Variants in EYS observed in about 807,000 individuals in gnomAD.
EYS encodes the protein protein eyes shut homolog.
In EYS, 250 loss-of-function variants were observed where a neutral mutation model predicts 282.1. The ratio of observed to expected loss-of-function variants is 0.89; its 90% CI spans 0.80 to 0.98. EYS has a LOEUF of 0.98. EYS is among the 50% of genes least tolerant of loss of function. The pLI is 0.00. For synonymous variants in EYS, 1,355 were observed against 1,282.9 expected (o/e 1.06, Z -1.20); for missense variants, 4,016 against 3,709.0 (o/e 1.08, Z -2.15).
intron 30 of EYS, among the ~76,000 whole-genome samples, chr6:64,295,912 C>A (rs960220744): frequency 6.6e-6 from 1 of 151,986 alleles, no homozygotes; most frequent in African/African-American, 2.4e-5. Context: ...GGGATATTAA[C>A]AAATATTATT....
At chr6:64,805,050 C>T (rs572579868) in intron 22 of EYS, among the ~76,000 whole-genome samples, 1 of 151,774 alleles carries the variant, frequency 6.6e-6, no homozygotes, top group Non-Finnish European at 1.5e-5. Flanking sequence ...TTAGATGAAC[C>T]ATGAAATTAA....
intron 2 of EYS, among the ~76,000 whole-genome samples, chr6:65,498,249 A>G (rs1216781679): frequency 2.6e-5 from 4 of 151,994 alleles, no homozygotes; most frequent in African/African-American, 9.7e-5. Flanking sequence ...AGAGAAAGTG[A>G]GGTTTTAGAG....
chr6:64,526,872 A>G (rs951833740), intron 26 of EYS, among the ~76,000 whole-genome samples: 14 of 151,998 alleles, frequency 9.2e-5, no homozygotes, highest in African/African-American at 3.4e-4. Flanking sequence ...GATTCTTCTT[A>G]AAGCAAGGCT....
intron 26 of EYS, among the ~76,000 whole-genome samples, chr6:64,550,587 CATA>C (rs1377295411): frequency 6.6e-6 from 1 of 152,114 alleles, no homozygotes; most frequent in East Asian, 1.9e-4. Flanking sequence ...TCTTATTCAA[CATA>C]ATGTTGGAAG....
chr6:64,504,291 T>C (rs932707150), intron 26 of EYS, among the ~76,000 whole-genome samples: 4 of 152,164 alleles, frequency 2.6e-5, no homozygotes, highest in African/African-American at 9.7e-5. Context: ...TTAGAGGACT[T>C]TTATAAAATT....
intron 29 of EYS, among the ~76,000 whole-genome samples, chr6:64,318,143 G>C (rs770116330): frequency 6.6e-6 from 1 of 151,860 alleles, no homozygotes; most frequent in Non-Finnish European, 1.5e-5. Flanking sequence ...AAATCTGCTT[G>C]TTCTGTACAT....
At chr6:64,419,573 A>AT (rs1774163077) in intron 28 of EYS, among the ~76,000 whole-genome samples, 2 of 152,258 alleles carry the variant, frequency 1.3e-5, no homozygotes, top group African/African-American at 4.8e-5. Context: ...CCTAGATAAA[A>AT]TGGCGGTAAA....
At chr6:65,109,414 T>C (rs1775140992) in intron 12 of EYS, among the ~76,000 whole-genome samples, 1 of 152,136 alleles carries the variant, frequency 6.6e-6, no homozygotes, top group Non-Finnish European at 1.5e-5. Context: ...TTTGTTTGTT[T>C]GTTTTGGTAG....
At chr6:65,248,096 C>T (rs1582061213) in intron 12 of EYS, among the ~76,000 whole-genome samples, 1 of 151,414 alleles carries the variant, frequency 6.6e-6, no homozygotes, top group South Asian at 2.1e-4. Flanking sequence ...GGTTTTTTTT[C>T]CTCCTCAGCT....
chr6:65,469,197 C>G (rs552220780), intron 5 of EYS, among the ~76,000 whole-genome samples: 1 of 151,868 alleles, frequency 6.6e-6, no homozygotes, highest in East Asian at 1.9e-4. Flanking sequence ...TTTTATTTGC[C>G]AATTCTAGCG....
At chr6:65,665,660 A>G (rs937077493) in intron 1 of EYS, among the ~76,000 whole-genome samples, 2 of 152,070 alleles carry the variant, frequency 1.3e-5, no homozygotes, top group African/African-American at 4.8e-5. Flanking sequence ...GTGTCCAGTG[A>G]GCAATTAATA....
intron 8 of EYS, among the ~76,000 whole-genome samples, chr6:65,361,003 G>C (rs1003809492): frequency 6.6e-6 from 1 of 151,964 alleles, no homozygotes; most frequent in African/African-American, 2.4e-5. Context: ...TTCAAGGAAT[G>C]GTAGGTGACC....
chr6:64,329,625 C>T (rs539322175), intron 29 of EYS, among the ~76,000 whole-genome samples: 3 of 152,140 alleles, frequency 2.0e-5, no homozygotes, highest in African/African-American at 7.2e-5. Context: ...GGGCACTTAC[C>T]CAGTGTGAAT....
At chr6:65,052,628 A>C (rs2150155210) in intron 13 of EYS, among the ~76,000 whole-genome samples, 1 of 151,766 alleles carries the variant, frequency 6.6e-6, no homozygotes, top group Middle Eastern at 3.4e-3. Context: ...GAAAAGCATG[A>C]GGTTTTGTTC....
chr6:63,817,378 A>G (rs1472228736), intron 36 of EYS, among the ~76,000 whole-genome samples: 1 of 152,222 alleles, frequency 6.6e-6, no homozygotes, highest in African/African-American at 2.4e-5. Context: ...CAAAAGCCCA[A>G]GAGCTGCAAC....
chr6:64,442,270 C>G (rs1379724236), intron 26 of EYS, among the ~76,000 whole-genome samples: 4 of 152,124 alleles, frequency 2.6e-5, no homozygotes. Context: ...ACTTGAGGAA[C>G]ATGATTTAGG....
At chr6:63,766,435 C>T (rs988998673) in intron 40 of EYS, among the ~76,000 whole-genome samples, 18 of 152,034 alleles carry the variant, frequency 1.2e-4, no homozygotes, top group South Asian at 4.2e-4. Context: ...GGAATAAACA[C>T]ACAAATGAAT....
In EYS at chr6:64,168,981, T is replaced by A. The variant is rs1408879763; in HGVS notation, c.6424+61611A>T. Among the ~76,000 whole-genome samples, 2 of 152,216 alleles carry A rather than the reference T, an allele frequency of 1.3e-5. 1 individual carries two copies. The highest frequency in any genetic ancestry group is 4.8e-5 in the African/African-American group (2 of 41,468). On this transcript the variant is annotated intron_variant, in intron 31 of 42. Transcript: ENST00000503581. ...AGGTTAGAACATGATTCAGAGAATA[T>A]AAGAAAATTTAACATTTCTAGAATT...
chr6:65,532,860 C>T (rs921915655), intron 2 of EYS, among the ~76,000 whole-genome samples: 2 of 151,982 alleles, frequency 1.3e-5, no homozygotes, highest in Non-Finnish European at 2.9e-5. Context: ...CTGAAGTTTC[C>T]ACTTTTATAC....
Sources: allele counts gnomAD v4.1 joint callset (sites outside exome capture counted in the v4.1 genomes callset), GRCh38; gene constraint gnomAD v4.1.1; transcripts MANE v1.5; gene names NCBI Gene and HGNC (gene_info 2026-07-23, HGNC 2026-07-21).